The following ZNF609 variants were observed in gnomAD, a reference collection of about 807,000 sequenced individuals.
ZNF609 encodes the protein zinc finger protein 609.
Under a neutral mutation model 109.5 loss-of-function variants are expected in ZNF609, and 11 were observed. The observed-to-expected ratio is 0.10, with a 90% CI of 0.06 to 0.17. The LOEUF is 0.17. ZNF609 is among the 10% of genes least tolerant of loss of function. ZNF609 has a pLI of 1.00. For missense variants in ZNF609, 1,559 were observed against 1,772.4 expected, an observed-to-expected ratio of 0.88 and a Z score of 2.16; for synonymous variants, 646 against 662.0, an observed-to-expected ratio of 0.98 and a Z score of 0.37.
intron 3 of ZNF609, among the ~76,000 whole-genome samples, chr15:64,637,395 A>G (rs1275145144): frequency 6.6e-6 from 1 of 152,182 alleles, no homozygotes; most frequent in Non-Finnish European, 1.5e-5. Context: ...ATTCCTATCT[A>G]TCTATACTTA....
At chr15:64,601,735 G>A (rs529174861) in intron 2 of ZNF609, among the ~76,000 whole-genome samples, 3 of 152,298 alleles carry the variant, frequency 2.0e-5, no homozygotes, top group East Asian at 3.9e-4. Flanking sequence ...ATAGGCAAAC[G>A]TTCAAATTTT....
Position 64,650,263 on chromosome 15 carries a change from A to C in ZNF609, c.974-20083A>C, listed in dbSNP as rs1157592866. The stretch of plus-strand genomic sequence containing the variant: ...TCTACTAAAATACAAAAGAAAAAAA[A>C]AAAATAAGCCAGGCATGGCAGCATG... On this transcript the variant is annotated intron_variant, in intron 3 of 9. Coordinates refer to ENST00000326648, the MANE Select transcript of ZNF609 (RefSeq NM_015042.2). Among the ~76,000 whole-genome samples the C allele has an allele frequency of 2.0e-5, 3 of 151,862 alleles. No homozygotes were observed. In the East Asian group the frequency reaches 5.8e-4, roughly 29 times the overall value.
At chr15:64,551,397 T>C (rs1894469497) in intron 2 of ZNF609, among the ~76,000 whole-genome samples, 1 of 152,192 alleles carries the variant, frequency 6.6e-6, no homozygotes, top group African/African-American at 2.4e-5. Context: ...GGCTCACGCC[T>C]GTAATCCCAG....
Position 64,615,328 on chromosome 15 carries a change from A to G in ZNF609, c.748-7499A>G, listed in dbSNP as rs1262037103. Among the ~76,000 whole-genome samples the G allele has an allele frequency of 2.0e-5, 3 of 151,130 alleles. No individual in the cohort carries two copies. In the East Asian group the frequency reaches 5.8e-4, roughly 29 times the overall value. ...TGGCTAGTTTTTGAATTTTTTGTAGAGACAAGATCTCTCTATGTTGCCCAG... is the reference window on the plus strand; with the variant it reads ...TGGCTAGTTTTTGAATTTTTTGTAGGGACAAGATCTCTCTATGTTGCCCAG... On this transcript the variant is annotated intron_variant, in intron 2 of 9. Transcript: ENST00000326648.
chr15:64,667,556 T>C (rs529892991), intron 3 of ZNF609, among the ~76,000 whole-genome samples: 1 of 151,444 alleles, frequency 6.6e-6, no homozygotes, highest in African/African-American at 2.4e-5. Flanking sequence ...TTAAAAAAAA[T>C]ACAAAATTAG....
At position 64,500,685 on chromosome 15, in the gene ZNF609, C is replaced by T. The variant is rs563805194; in HGVS notation, c.747+519C>T. The T allele has an allele frequency of 1.3e-5, 6 of 477,882 alleles. No individual in the cohort carries two copies. The South Asian group carries it at 1.8e-4, about 14-fold the overall frequency. 29.6% of individuals were successfully genotyped at this position (477,882 alleles called of 1,614,324 possible). The stretch of plus-strand genomic sequence containing the variant: ...TATCTACGAAGTGTTCTATTGCCGG[C>T]TACCAAAGAGCGAAGGGGCACATTT... On this transcript the variant is annotated intron_variant, in intron 2 of 9. Transcript: ENST00000326648.
At chr15:64,551,733 TG>T (rs1426229781) in intron 2 of ZNF609, among the ~76,000 whole-genome samples, 2 of 149,908 alleles carry the variant, frequency 1.3e-5, no homozygotes, top group African/African-American at 4.9e-5. Context: ...AGAGAACAGC[TG>T]ATCAATGGGG....
upstream of ZNF609, among the ~76,000 whole-genome samples, chr15:64,460,177 C>G (rs1892915842): frequency 6.6e-6 from 1 of 152,078 alleles, no homozygotes; most frequent in African/African-American, 2.4e-5. Flanking sequence ...ATGTTCAGAT[C>G]CCCTACGGCC....
At chr15:64,468,038 G>A (rs1893038958) in intron 1 of ZNF609, among the ~76,000 whole-genome samples, 1 of 150,092 alleles carries the variant, frequency 6.7e-6, no homozygotes, top group South Asian at 2.1e-4. Context: ...TTGAGGCAGG[G>A]CCTTGCTCTG....
chr15:64,541,933 A>G (rs1235440702), intron 2 of ZNF609, among the ~76,000 whole-genome samples: 1 of 148,782 alleles, frequency 6.7e-6, no homozygotes, highest in South Asian at 2.1e-4. Context: ...TAACGAGTCC[A>G]TTTTTTCCTT....
chr15:64,547,613 T>C (rs919548485), intron 2 of ZNF609, among the ~76,000 whole-genome samples: 1 of 151,948 alleles, frequency 6.6e-6, no homozygotes, highest in African/African-American at 2.4e-5. Flanking sequence ...AGGAGGATGA[T>C]GGAATTACCT....
In ZNF609 at chr15:64,593,121, C is replaced by A. The variant is rs1461280814; in HGVS notation, c.748-29706C>A. The A allele has an allele frequency of 2.5e-6, 4 of 1,591,316 alleles. No homozygotes were observed. The Admixed American group carries it at 6.7e-5, about 27-fold the overall frequency. On this transcript the variant is annotated intron_variant, in intron 2 of 9. Transcript: ENST00000326648. ...GTCATTCGAAACATAGTGGAGTCCG[C>A]AGCAGTCAGGGACATTTCTGAAGCG...
At chr15:64,627,029 C>G (rs1276475688) in intron 3 of ZNF609, among the ~76,000 whole-genome samples, 1 of 151,908 alleles carries the variant, frequency 6.6e-6, no homozygotes, top group Non-Finnish European at 1.5e-5. Flanking sequence ...GCCAACATGG[C>G]AAAACCCCGT....
chr15:64,471,600 C>G (rs1054448351), intron 1 of ZNF609, among the ~76,000 whole-genome samples: 2 of 151,880 alleles, frequency 1.3e-5, no homozygotes, highest in Non-Finnish European at 2.9e-5. Context: ...TTTTGTCCCC[C>G]CAAGATGGAG....
chr15:64,534,683 C>T (rs1162501680), intron 2 of ZNF609, among the ~76,000 whole-genome samples: 2 of 152,070 alleles, frequency 1.3e-5, no homozygotes, highest in Non-Finnish European at 2.9e-5. Flanking sequence ...CACCTCCATC[C>T]CTAATCTCTT....
chr15:64,626,671 G>A (rs758101951), intron 3 of ZNF609, among the ~76,000 whole-genome samples: 26 of 152,068 alleles, frequency 1.7e-4, no homozygotes, highest in Non-Finnish European at 3.5e-4. Context: ...TAGTTTCTTT[G>A]CCTACTTGTC....
intron 1 of ZNF609, among the ~76,000 whole-genome samples, chr15:64,491,100 G>C (rs535711645): frequency 6.6e-6 from 1 of 152,298 alleles, no homozygotes; most frequent in South Asian, 2.1e-4. Context: ...TATGGTACTT[G>C]AGGAGATGAC....
chr15:64,469,427 CAAAAAAA>C (rs34210041), intron 1 of ZNF609, among the ~76,000 whole-genome samples: 3 of 73,574 alleles, frequency 4.1e-5, no homozygotes, highest in Admixed American at 1.9e-4. Context: ...ACCCTATTTC[CAAAAAAA>C]AAAAAAAAAA....
intron 3 of ZNF609, among the ~76,000 whole-genome samples, chr15:64,667,222 G>A (rs1340376271): frequency 6.6e-6 from 1 of 152,210 alleles, no homozygotes; most frequent in Non-Finnish European, 1.5e-5. Context: ...GATTTGCACT[G>A]AGGTTTTCTA....
Sources: allele counts gnomAD v4.1 joint callset (sites outside exome capture counted in the v4.1 genomes callset), GRCh38; gene constraint gnomAD v4.1.1; transcripts MANE v1.5; gene names NCBI Gene and HGNC (gene_info 2026-07-23, HGNC 2026-07-21).